Variants in BCAS3 observed in about 807,000 individuals in gnomAD.
BCAS3 encodes BCAS4/BCAS3 fusion.
A neutral mutation model predicts 116.1 loss-of-function variants in BCAS3; 53 were observed. That is an observed-to-expected ratio of 0.46 (90% CI 0.37 to 0.57). The LOEUF is 0.57. Ranked by LOEUF, BCAS3 falls within the 20% of genes least tolerant of loss-of-function variation. The pLI, the probability that BCAS3 is intolerant of heterozygous loss-of-function variation, is 0.00. For missense variants in BCAS3, 917 were observed against 1,165.4 expected (o/e 0.79, Z 3.10); for synonymous variants, 391 against 408.2 (o/e 0.96, Z 0.51).
At chr17:61,169,501 G>T (rs1315910918) in intron 22 of BCAS3, among the ~76,000 whole-genome samples, 4 of 152,054 alleles carry the variant, frequency 2.6e-5, no homozygotes, top group Non-Finnish European at 5.9e-5. Flanking sequence ...TCAAACTCCT[G>T]GCCTTATGCA....
chr17:61,176,525 CTATTTATTTATT>C (rs139505219), intron 22 of BCAS3, among the ~76,000 whole-genome samples: 129 of 145,580 alleles, frequency 8.9e-4, no homozygotes, highest in South Asian at 3.1e-3. Context: ...TGTGTAATGT[CTATTTATTTATT>C]TATTTATTTA....
intron 15 of BCAS3, among the ~76,000 whole-genome samples, chr17:60,991,365 T>C (rs984280535): frequency 6.6e-6 from 1 of 152,252 alleles, no homozygotes; most frequent in Admixed American, 6.5e-5. Flanking sequence ...GTACATTGCA[T>C]GGTTTCAGGT....
At chr17:61,066,629 T>A (rs554289655) in intron 19 of BCAS3, among the ~76,000 whole-genome samples, 1 of 152,312 alleles carries the variant, frequency 6.6e-6, no homozygotes, top group East Asian at 1.9e-4. Flanking sequence ...AATATGTTAA[T>A]GATAAATATC....
intron 22 of BCAS3, among the ~76,000 whole-genome samples, chr17:61,135,610 A>G (rs1175993181): frequency 6.6e-6 from 1 of 152,230 alleles, no homozygotes; most frequent in African/African-American, 2.4e-5. Flanking sequence ...AGAAGGGCTT[A>G]GCAGACTACT....
At chr17:60,900,793 A>G (rs1428281498) in intron 10 of BCAS3, among the ~76,000 whole-genome samples, 2 of 151,944 alleles carry the variant, frequency 1.3e-5, no homozygotes, top group Middle Eastern at 3.2e-3. Flanking sequence ...ATTCTGACTC[A>G]TCTTTGATTT....
intron 6 of BCAS3, among the ~76,000 whole-genome samples, chr17:60,783,203 G>C (rs1473094451): frequency 6.6e-6 from 1 of 152,082 alleles, no homozygotes; most frequent in Non-Finnish European, 1.5e-5. Flanking sequence ...TTGTTTGTTT[G>C]TTTATTTATT....
At chr17:60,717,779 T>G (rs1055991579) in intron 5 of BCAS3, among the ~76,000 whole-genome samples, 3 of 152,054 alleles carry the variant, frequency 2.0e-5, no homozygotes, top group African/African-American at 7.2e-5. Context: ...TTCCACAGGG[T>G]GGGGATAGTT....
intron 22 of BCAS3, among the ~76,000 whole-genome samples, chr17:61,207,130 G>A (rs752350859): frequency 1.6e-4 from 24 of 152,048 alleles, no homozygotes; most frequent in Non-Finnish European, 2.4e-4. Context: ...GTGTGCCAAG[G>A]ATAGCAGAGA....
rs1381659862 is a variant in BCAS3, at chr17:61,220,828, C to CG, written c.2425+136266dup. 1.3e-5 allele frequency among the ~76,000 whole-genome samples: 2 copies of CG among 151,532 alleles called. No homozygotes were observed. Among genetic ancestry groups the CG allele is most frequent in the African/African-American group, 4.8e-5 (2 of 41,252 alleles). The stretch of plus-strand genomic sequence containing the variant: ...CTAGAAAGTGTAGTTCGGCTGGGCG[C>CG]GGTGGCTCACGCCTGTAATCCCAGC... On this transcript the variant is annotated intron_variant, in intron 22 of 23. Coordinates refer to ENST00000407086, the MANE Select transcript of BCAS3 (RefSeq NM_017679.5). The surrounding 1 kb of genome is among the most constrained non-coding windows in gnomAD (Gnocchi z 4.5).
At chr17:60,830,108 C>T (rs902401057) in intron 7 of BCAS3, among the ~76,000 whole-genome samples, 2 of 152,172 alleles carry the variant, frequency 1.3e-5, no homozygotes, top group African/African-American at 4.8e-5. Context: ...TCTCCTGCCT[C>T]AGCTGCCTGA....
In BCAS3 at chr17:61,151,975, G is replaced by A. The variant is rs144488661; in HGVS notation, c.2425+67411G>A. Among the ~76,000 whole-genome samples the A allele has an allele frequency of 4.0e-3, 616 of 152,304 alleles. 8 individuals carry two copies. The highest frequency in any genetic ancestry group is 0.014 in the African/African-American group (571 of 41,574). On this transcript the variant is annotated intron_variant, in intron 22 of 23. Coordinates refer to ENST00000407086, the MANE Select transcript of BCAS3 (RefSeq NM_017679.5). The surrounding 1 kb of genome is among the most constrained non-coding windows in gnomAD (Gnocchi z 4.8). ...AGGGCAAGGATTCTCTGTGTGCCCA[G>A]GGAAAGTGGTTTTATGATAGGAAGG...
chr17:60,922,137 T>G (rs1476150413), intron 12 of BCAS3, among the ~76,000 whole-genome samples: 1 of 152,128 alleles, frequency 6.6e-6, no homozygotes, highest in Non-Finnish European at 1.5e-5. Flanking sequence ...TTTAGCTCTT[T>G]TTTTTTTGAG....
intron 9 of BCAS3, among the ~76,000 whole-genome samples, chr17:60,877,612 C>T (rs1445993286): frequency 6.6e-6 from 1 of 152,170 alleles, no homozygotes; most frequent in East Asian, 1.9e-4. Flanking sequence ...GCATTAGTCT[C>T]TTTTGTATTC....
chr17:60,825,043 A>G (rs938755869), intron 7 of BCAS3, among the ~76,000 whole-genome samples: 2 of 151,866 alleles, frequency 1.3e-5, no homozygotes, highest in African/African-American at 4.8e-5. Flanking sequence ...GCATGCATCT[A>G]TAGTCCTAGC....
In BCAS3 at chr17:60,946,520, A is replaced by G. The variant is rs959937159; in HGVS notation, c.1088-699A>G. On this transcript the variant is annotated intron_variant, in intron 13 of 23. Transcript: ENST00000407086. ...ATTAAGTACAGGAAGTAGTAGTTGG[A>G]TCAGTAGATAAATTGGAGCGTAGAA... Among the ~76,000 whole-genome samples the G allele has an allele frequency of 1.0e-3, 158 of 152,310 alleles. 1 individual carries two copies. Among genetic ancestry groups the G allele is most frequent in the Middle Eastern group, 6.8e-3 (2 of 294 alleles).
intron 5 of BCAS3, among the ~76,000 whole-genome samples, chr17:60,720,799 A>G (rs2039153102): frequency 6.6e-6 from 1 of 152,216 alleles, no homozygotes; most frequent in African/African-American, 2.4e-5. Context: ...GGACTTAAGC[A>G]TTGGAGGTTT....
At position 61,097,403 on chromosome 17, in the gene BCAS3, C is replaced by T. The variant is rs928827671; in HGVS notation, c.2425+12839C>T. Among the ~76,000 whole-genome samples, 2 of 152,184 alleles carry T rather than the reference C, an allele frequency of 1.3e-5. No homozygotes were observed. The highest frequency in any genetic ancestry group is 2.4e-5 in the African/African-American group (1 of 41,442). ...CCATGTTAGCCAGGATGGTCTCGAT[C>T]TCCTGACCTTGTGATCCGCCTGCCT... is the stretch of plus-strand genomic sequence containing the variant. On this transcript the variant is annotated intron_variant, in intron 22 of 23. Coordinates refer to ENST00000407086, the MANE Select transcript of BCAS3 (RefSeq NM_017679.5). The surrounding 1 kb of genome is among the most constrained non-coding windows in gnomAD (Gnocchi z 4.0).
At chr17:60,745,946 A>G (rs1246460618) in intron 5 of BCAS3, among the ~76,000 whole-genome samples, 3 of 150,946 alleles carry the variant, frequency 2.0e-5, no homozygotes, top group Admixed American at 2.0e-4. Context: ...AAAAGTAGTT[A>G]CTCTAAAAGA....
chr17:61,161,740 C>G lies in BCAS3; in HGVS notation c.2425+77176C>G, dbSNP rs570222757. Among the ~76,000 whole-genome samples, 3 of 152,062 alleles carry G rather than the reference C, an allele frequency of 2.0e-5. No homozygotes were observed. The highest frequency in any genetic ancestry group is 4.4e-5 in the Non-Finnish European group (3 of 68,026). ...TCCCCTCAGCACACATACCAGCCCC[C>G]GCAATTCCAGTTTCATGGTGCCTGA... On this transcript the variant is annotated intron_variant, in intron 22 of 23. Coordinates refer to ENST00000407086, the MANE Select transcript of BCAS3 (RefSeq NM_017679.5). The surrounding 1 kb of genome is among the most constrained non-coding windows in gnomAD (Gnocchi z 4.8).
Sources: gnomAD v4.1 joint callset for allele counts (sites outside exome capture counted in the v4.1 genomes callset) on GRCh38, gnomAD v4.1.1 for gene constraint, Gnocchi (gnomAD v3.1) non-coding constraint, MANE v1.5 for transcripts, NCBI Gene and HGNC (gene_info 2026-07-23, HGNC 2026-07-21) for gene names.